The following SLC47A1 variants were observed in gnomAD, a reference collection of about 807,000 sequenced individuals.
The protein encoded by SLC47A1 is multidrug and toxin extrusion protein 1.
A neutral mutation model predicts 65.8 loss-of-function variants in SLC47A1; 58 were observed. The observed-to-expected ratio is 0.88, with a 90% CI of 0.71 to 1.10. The LOEUF (loss-of-function observed/expected upper bound fraction) is 1.10. SLC47A1 is among the 50% of genes least tolerant of loss of function. The pLI, the probability that SLC47A1 is intolerant of heterozygous loss-of-function variation, is 0.00. For missense variants in SLC47A1, 706 were observed against 719.2 expected (o/e 0.98, Z 0.21); for synonymous variants, 285 against 295.0 (o/e 0.97, Z 0.35).
In SLC47A1 at chr17:19,578,161, TC is replaced by T. The variant is rs2084455374; in HGVS notation, c.*609del. 2.4e-6 allele frequency: 1 copy of T among 416,210 alleles called. No individual in the cohort carries two copies. The highest frequency in any genetic ancestry group is 3.0e-5 in the Admixed American group (1 of 33,384). The allele number at this position is 416,210 out of a possible 1,614,324, so 25.8% of individuals were successfully genotyped here. ...ACCATGCCCAGCTGGCATTTGTTAA[TC>T]TTCATTTGAGGTCTAGATCTAGGCA... On this transcript the variant is annotated 3_prime_UTR_variant, in exon 17 of 17. Transcript: ENST00000270570.
At position 19,577,694 on chromosome 17, in the gene SLC47A1, T is replaced by C. The variant is rs748373041; in HGVS notation, c.*141T>C. On this transcript the variant is annotated 3_prime_UTR_variant, in exon 17 of 17. Coordinates refer to ENST00000270570, the MANE Select transcript of SLC47A1 (RefSeq NM_018242.3). ...GAGGGCTGGAAATGCAAAGACACAT[T>C]TTTCTATAAAAAGAAAAAGCAACTA... The C allele has an allele frequency of 3.4e-6, 5 of 1,453,872 alleles. No individual in the cohort carries two copies. The highest frequency in any genetic ancestry group is 4.5e-6 in the Non-Finnish European group (5 of 1,110,938). 90.1% of individuals were successfully genotyped at this position (1,453,872 alleles called of 1,614,324 possible).
At chr17:19,548,832 T>G (rs1006888148) in intron 4 of SLC47A1, among the ~76,000 whole-genome samples, 17 of 152,198 alleles carry the variant, frequency 1.1e-4, no homozygotes, top group African/African-American at 3.9e-4. Context: ...GGTATCGGTA[T>G]CTTTCAAAGC....
At chr17:19,561,099 A>G (rs1567971486) in intron 12 of SLC47A1, among the ~76,000 whole-genome samples, 1 of 151,462 alleles carries the variant, frequency 6.6e-6, no homozygotes, top group Admixed American at 6.6e-5. Flanking sequence ...CTCCACTAAA[A>G]ATACAAAAAT....
chr17:19,547,981 C>T lies in SLC47A1; in HGVS notation c.307-4C>T. 2 of 1,610,518 alleles carry T rather than the reference C, an allele frequency of 1.2e-6. No individual in the cohort carries two copies. The highest frequency in any genetic ancestry group is 8.5e-7 in the Non-Finnish European group (1 of 1,177,578). On this transcript the variant is annotated splice_region_variant and splice_polypyrimidine_tract_variant and intron_variant, in intron 3 of 16. Transcript: ENST00000270570. The stretch of plus-strand genomic sequence containing the variant: ...TGGGCTCATTTTGGCTGTGTGCACC[C>T]CAGACGTACGGGAGCCAGAACCTGA...
At chr17:19,566,556 G>A (rs374237694) in intron 12 of SLC47A1, among the ~76,000 whole-genome samples, 1 of 152,052 alleles carries the variant, frequency 6.6e-6, no homozygotes, top group Non-Finnish European at 1.5e-5. Context: ...CTCCTGAGTA[G>A]CTGGGATTAC....
intron 12 of SLC47A1, among the ~76,000 whole-genome samples, chr17:19,562,226 G>A (rs1245719133): frequency 2.0e-5 from 3 of 152,136 alleles, no homozygotes; most frequent in Admixed American, 6.6e-5. Flanking sequence ...ACTTCAGATC[G>A]TAGGTTTTCA....
intron 1 of SLC47A1, chr17:19,535,109 A>G (rs1915956228): frequency 6.6e-6 from 1 of 152,332 alleles, no homozygotes; most frequent in Non-Finnish European, 1.5e-5. Context: ...AATAAGATCC[A>G]TCAGCCATGC....
chr17:19,562,305 G>A (rs1232786709), intron 12 of SLC47A1, among the ~76,000 whole-genome samples: 2 of 152,158 alleles, frequency 1.3e-5, no homozygotes, highest in Non-Finnish European at 2.9e-5. Context: ...GCTCACTCCT[G>A]TAATCCCAAC....
At chr17:19,544,594 C>T (rs1916237411) in intron 2 of SLC47A1, among the ~76,000 whole-genome samples, 1 of 152,196 alleles carries the variant, frequency 6.6e-6, no homozygotes, top group Admixed American at 6.5e-5. Context: ...GCTGCTGACC[C>T]TGGTGAAGGC....
intron 12 of SLC47A1, 130 bp downstream of exon 12, chr17:19,560,623 TCTCA>T: frequency 1.1e-6 from 1 of 919,934 alleles, no homozygotes; most frequent in East Asian, 2.5e-5. Flanking sequence ...AAAGAAAACA[TCTCA>T]CTCACACCTG....
chr17:19,539,963 A>G (rs561826622), intron 1 of SLC47A1, among the ~76,000 whole-genome samples: 1 of 152,286 alleles, frequency 6.6e-6, no homozygotes, highest in South Asian at 2.1e-4. Flanking sequence ...GGATGGGCTG[A>G]CTGCATGAGG....
chr17:19,563,128 C>CTTTTTTTT (rs572651224), intron 12 of SLC47A1, among the ~76,000 whole-genome samples: 4 of 82,644 alleles, frequency 4.8e-5, no homozygotes, highest in Non-Finnish European at 6.5e-5. Flanking sequence ...TAAGAGAAAG[C>CTTTTTTTT]TTTTTTTTTT....
At chr17:19,555,722 A>T in intron 8 of SLC47A1, 32 bp downstream of exon 8, 1 of 1,613,452 alleles carries the variant, frequency 6.2e-7, no homozygotes, top group Non-Finnish European at 8.5e-7. Flanking sequence ...TCCAACTGGG[A>T]TGTGGGTTTT....
intron 4 of SLC47A1, among the ~76,000 whole-genome samples, chr17:19,549,218 A>C (rs1023993503): frequency 1.3e-5 from 2 of 149,814 alleles, no homozygotes; most frequent in Non-Finnish European, 3.0e-5. Context: ...TTTTTTTTTG[A>C]GATGGAGTCT....
At chr17:19,538,230 C>T (rs1472435208) in intron 1 of SLC47A1, among the ~76,000 whole-genome samples, 1 of 152,200 alleles carries the variant, frequency 6.6e-6, no homozygotes, top group African/African-American at 2.4e-5. Flanking sequence ...TTCTTTTCCC[C>T]AGAAGCAGGA....
chr17:19,556,176 A>G, intron 10 of SLC47A1, 114 bp downstream of exon 10: 1 of 1,241,190 alleles, frequency 8.1e-7, no homozygotes, highest in Non-Finnish European at 1.1e-6. Context: ...GAAATGATGG[A>G]CAAAAGTCAA....
intron 12 of SLC47A1, among the ~76,000 whole-genome samples, chr17:19,562,761 A>G (rs1043182716): frequency 6.6e-6 from 1 of 152,114 alleles, no homozygotes; most frequent in African/African-American, 2.4e-5. Context: ...CAGGAAAAGA[A>G]TGAAAAACAA....
intron 16 of SLC47A1, among the ~76,000 whole-genome samples, chr17:19,575,199 G>A (rs1484988157): frequency 1.3e-5 from 2 of 150,028 alleles, no homozygotes; most frequent in Non-Finnish European, 3.0e-5. Flanking sequence ...GCCTTCCAAA[G>A]TGCTGGGATT....
chr17:19,546,221 A>G (rs1329612051), intron 2 of SLC47A1, among the ~76,000 whole-genome samples: 1 of 151,898 alleles, frequency 6.6e-6, no homozygotes, highest in Admixed American at 6.6e-5. Context: ...CTCTGTCTCA[A>G]AAAATATATA....
Sources: gnomAD v4.1 joint callset for allele counts (sites outside exome capture counted in the v4.1 genomes callset) on GRCh38, gnomAD v4.1.1 for gene constraint, MANE v1.5 for transcripts, NCBI Gene and HGNC (gene_info 2026-07-23, HGNC 2026-07-21) for gene names.